CHLSN: variants seen among roughly 807,000 people sequenced by gnomAD.
CHLSN encodes the protein protein cholesin.
chr7:1,007,937 G>C, the CHLSN span, among the ~76,000 whole-genome samples: 1 of 152,138 alleles, frequency 6.6e-6, no homozygotes, highest in African/African-American at 2.4e-5. Flanking sequence ...TGGCAGCCAC[G>C]TGGTGGAGCG....
chr7:992,016 C>T, the CHLSN span, among the ~76,000 whole-genome samples: 1 of 152,182 alleles, frequency 6.6e-6, no homozygotes, highest in Non-Finnish European at 1.5e-5. Context: ...GCCCGCGAGC[C>T]CAGCTTCCTC....
the CHLSN span, among the ~76,000 whole-genome samples, chr7:983,837 C>T: frequency 1.3e-5 from 2 of 152,230 alleles, no homozygotes; most frequent in African/African-American, 2.4e-5. Context: ...CCTGTGCCTC[C>T]TGGGCAGGGA....
At chr7:1,135,100 C>G in the CHLSN span, among the ~76,000 whole-genome samples, 1 of 152,130 alleles carries the variant, frequency 6.6e-6, no homozygotes, top group Non-Finnish European at 1.5e-5. Flanking sequence ...CACTTGGCAT[C>G]CAGCACAGAC....
chr7:1,120,576 A>G, the CHLSN span, among the ~76,000 whole-genome samples: 7 of 152,220 alleles, frequency 4.6e-5, no homozygotes, highest in Non-Finnish European at 1.0e-4. Context: ...TACAGGCACG[A>G]GCCACCGTAC....
chr7:994,535 C>T, the CHLSN span, among the ~76,000 whole-genome samples: 1 of 152,150 alleles, frequency 6.6e-6, no homozygotes, highest in South Asian at 2.1e-4. Context: ...CCTTGACCTC[C>T]CGAGCTCAAG....
chr7:1,102,989 C>T, the CHLSN span, among the ~76,000 whole-genome samples: 1 of 152,224 alleles, frequency 6.6e-6, no homozygotes, highest in Non-Finnish European at 1.5e-5. Context: ...GAGAGACACT[C>T]TGTTGCCGTC....
At chr7:1,070,246 G>A in the CHLSN span, among the ~76,000 whole-genome samples, 13 of 142,538 alleles carry the variant, frequency 9.1e-5, no homozygotes, top group South Asian at 1.1e-3. Context: ...CACCCCGTCC[G>A]GGAGGGAGGT....
the CHLSN span, among the ~76,000 whole-genome samples, chr7:1,098,691 C>T: frequency 0.033 from 5,045 of 151,954 alleles, 275 homozygotes; most frequent in African/African-American, 0.11. Flanking sequence ...AAAGCAGACA[C>T]GAGTGGAGCT....
the CHLSN span, chr7:1,028,240 C>A: frequency 1.8e-6 from 2 of 1,092,196 alleles, no homozygotes; most frequent in Admixed American, 4.6e-5. Context: ...AATGCGGGCC[C>A]TGGCCCCGCG....
At chr7:978,293 G>A in the CHLSN span, among the ~76,000 whole-genome samples, 5 of 152,188 alleles carry the variant, frequency 3.3e-5, no homozygotes, top group South Asian at 2.1e-4. Flanking sequence ...CGAGGTGGGC[G>A]GACCACTTGA....
chr7:1,028,486 C>T, the CHLSN span: 7 of 985,354 alleles, frequency 7.1e-6, no homozygotes, highest in South Asian at 1.9e-4. Context: ...GGCGGGGCCT[C>T]GGCGCTGAGA....
chr7:1,016,983 CGCACAGCAGCGCACAGG>C, the CHLSN span, among the ~76,000 whole-genome samples: 3 of 63,884 alleles, frequency 4.7e-5, no homozygotes, highest in East Asian at 4.4e-4. Context: ...CACACACCAG[CGCACAGCAGCGCACAGG>C]AGCACACAGC....
the CHLSN span, among the ~76,000 whole-genome samples, chr7:1,046,887 A>G: frequency 6.6e-6 from 1 of 152,172 alleles, no homozygotes; most frequent in Non-Finnish European, 1.5e-5. Context: ...CTGGGAAACA[A>G]CCAAGGTGGT....
the CHLSN span, among the ~76,000 whole-genome samples, chr7:1,135,792 T>TACACACAC: frequency 9.4e-6 from 1 of 106,388 alleles, no homozygotes; most frequent in Non-Finnish European, 1.9e-5. Context: ...TATATATATA[T>TACACACAC]ACACAATTTA....
At chr7:1,126,359 CAAAAAAAA>C in the CHLSN span, among the ~76,000 whole-genome samples, 2 of 40,490 alleles carry the variant, frequency 4.9e-5, no homozygotes, top group African/African-American at 8.1e-5. Context: ...GACTCTGTCT[CAAAAAAAA>C]AAAAAAAAAA....
At chr7:1,100,679 GA>G in the CHLSN span, among the ~76,000 whole-genome samples, 1 of 152,118 alleles carries the variant, frequency 6.6e-6, no homozygotes, top group Non-Finnish European at 1.5e-5. Flanking sequence ...GGGGCTGGGG[GA>G]GGGGCCGTCT....
the CHLSN span, chr7:1,074,655 G>C: frequency 6.6e-6 from 1 of 152,196 alleles, no homozygotes; most frequent in South Asian, 2.1e-4. Context: ...GCAAGAACCT[G>C]CAAATCCCTA....
the CHLSN span, chr7:1,138,096 A>T: frequency 6.7e-6 from 1 of 150,120 alleles, no homozygotes; most frequent in African/African-American, 2.4e-5. Context: ...ACCCACGTGG[A>T]GGGGGCGGAG....
chr7:1,057,936 G>A, the CHLSN span: 14 of 773,858 alleles, frequency 1.8e-5, no homozygotes, highest in Admixed American at 1.4e-4. Context: ...CATGGCCAGC[G>A]TGTACAACAC....
Sources: gnomAD v4.1 joint callset for allele counts (sites outside exome capture counted in the v4.1 genomes callset) on GRCh38, gnomAD v4.1.1 for gene constraint, MANE v1.5 for transcripts, NCBI Gene and HGNC (gene_info 2026-07-23, HGNC 2026-07-21) for gene names.